The following ACOX1 variants were observed in gnomAD, a reference collection of about 807,000 sequenced individuals.
ACOX1 encodes the protein acyl-CoA oxidase 1, also known as peroxisomal acyl-coenzyme A oxidase 1.
In ACOX1, 41 loss-of-function variants were observed where a neutral mutation model predicts 75.5. The ratio of observed to expected loss-of-function variants is 0.54; its 90% CI spans 0.42 to 0.70. The LOEUF is 0.70. Ranked by LOEUF, ACOX1 falls within the 30% of genes least tolerant of loss-of-function variation. The pLI, the probability that ACOX1 is intolerant of heterozygous loss-of-function variation, is 0.00. For synonymous variants in ACOX1, 303 were observed against 298.8 expected, an observed-to-expected ratio of 1.01 and a Z score of -0.15; for missense variants, 630 against 837.5, an observed-to-expected ratio of 0.75 and a Z score of 3.06.
rs2065756349 is a variant in ACOX1, at chr17:75,949,706, G to A, written c.1478+12C>T. 5.0e-6 allele frequency: 8 copies of A among 1,614,082 alleles called. No individual in the cohort carries two copies. Among genetic ancestry groups the A allele is most frequent in the Non-Finnish European group, 6.8e-6 (8 of 1,179,986 alleles). ...CACTGCTGCGTATTCTAGCTCTTGA[G>A]GGAGAGCTCACCTGGCTGCACGGAG... On this transcript the variant is annotated intron_variant, in intron 10 of 13. Transcript: ENST00000293217.
chr17:75,974,770 C>T (rs2066029104), intron 2 of ACOX1, among the ~76,000 whole-genome samples: 1 of 152,024 alleles, frequency 6.6e-6, no homozygotes, highest in Admixed American at 6.6e-5. Flanking sequence ...CGGTGGCTCA[C>T]GCCTGTAATC....
chr17:75,954,641 G>A (rs1048793044), intron 6 of ACOX1, among the ~76,000 whole-genome samples: 1 of 125,872 alleles, frequency 7.9e-6, no homozygotes, highest in Non-Finnish European at 1.6e-5. Flanking sequence ...GTGTGATCTC[G>A]ACTTACTGCA....
intron 2 of ACOX1, among the ~76,000 whole-genome samples, chr17:75,968,621 A>AG (rs1299020783): frequency 2.1e-5 from 3 of 145,084 alleles, no homozygotes; most frequent in African/African-American, 7.7e-5. Flanking sequence ...AAAAAAAAAA[A>AG]AAAGAAATAT....
At position 75,960,518 on chromosome 17, in the gene ACOX1, C is replaced by T; in HGVS notation, c.270-143G>A. Reference sequence around the variant, plus strand: ...GTGCACTTAATCATAGATGGGAGCACTGTCCCTTTCTGTATTACTTTATAG... The same window carrying T: ...GTGCACTTAATCATAGATGGGAGCATTGTCCCTTTCTGTATTACTTTATAG... On this transcript the variant is annotated intron_variant, in intron 2 of 13. Transcript: ENST00000293217. The surrounding 1 kb of genome is among the most constrained non-coding windows in gnomAD (Gnocchi z 4.4). 1.2e-6 allele frequency: 1 copy of T among 810,492 alleles called. No homozygotes were observed. The highest frequency in any genetic ancestry group is 2.1e-6 in the Non-Finnish European group (1 of 487,306). The allele number at this position is 810,492 out of a possible 1,614,324, so 50.2% of individuals were successfully genotyped here.
At chr17:75,963,963 C>A (rs2065908565) in intron 2 of ACOX1, among the ~76,000 whole-genome samples, 1 of 151,194 alleles carries the variant, frequency 6.6e-6, no homozygotes, top group African/African-American at 2.4e-5. Context: ...GTGGGCGGAT[C>A]ACTTGAGGTC....
rs535844435 is a variant in ACOX1, at chr17:75,978,373, G to A, written c.269+161C>T. ...CTCCCAAAGTGCTGGGATTACAGGC[G>A]TGAGCCACCGCGCCCGGCCACACAT... is the stretch of plus-strand genomic sequence containing the variant. On this transcript the variant is annotated intron_variant, in intron 2 of 13. Coordinates refer to ENST00000293217, the MANE Select transcript of ACOX1 (RefSeq NM_004035.7). The surrounding 1 kb of genome is among the most constrained non-coding windows in gnomAD (Gnocchi z 4.2). 14 of 912,822 alleles carry A rather than the reference G, an allele frequency of 1.5e-5. No homozygotes were observed. Among genetic ancestry groups the A allele is most frequent in the South Asian group, 1.4e-4 (10 of 72,320 alleles). The allele number at this position is 912,822 out of a possible 1,614,324, so 56.5% of individuals were successfully genotyped here. A position where few individuals can be genotyped will look rare whatever the true frequency, so the allele number is the denominator to read the frequency against.
At chr17:75,951,279 A>G (rs2065771438) in intron 8 of ACOX1, 136 bp downstream of exon 8, 1 of 1,063,770 alleles carries the variant, frequency 9.4e-7, no homozygotes, top group Admixed American at 2.0e-5. Context: ...TATCTGATCT[A>G]CTTTCAACCA....
At chr17:75,958,741 G>A (rs1021242850) in intron 3 of ACOX1, among the ~76,000 whole-genome samples, 1 of 151,230 alleles carries the variant, frequency 6.6e-6, no homozygotes, top group East Asian at 1.9e-4. Flanking sequence ...CCGGAAGGTG[G>A]AGCTTGCAGT....
chr17:75,961,791 G>C (rs1276123033), intron 2 of ACOX1, among the ~76,000 whole-genome samples: 1 of 148,712 alleles, frequency 6.7e-6, no homozygotes, highest in Non-Finnish European at 1.5e-5. Context: ...AAGTTGTATA[G>C]AATGGAGAAT....
At position 75,945,788 on chromosome 17, in the gene ACOX1, TA is replaced by T. The variant is rs35453987; in HGVS notation, c.*959del. 14 of 149,436 alleles carry T rather than the reference TA, an allele frequency of 9.4e-5. No individual in the cohort carries two copies. The highest frequency in any genetic ancestry group is 7.5e-5 in the Non-Finnish European group (5 of 66,714). The allele number at this position is 149,436 out of a possible 1,614,324, so 9.3% of individuals were successfully genotyped here. The stretch of plus-strand genomic sequence containing the variant: ...TTTGTTTTTGTTTTTTCCCAGTTGT[TA>T]AAAAAAAAACAACTCACAGTTTCAA... On this transcript the variant is annotated 3_prime_UTR_variant, in exon 14 of 14. Transcript: ENST00000293217.
At position 75,950,785 on chromosome 17, in the gene ACOX1, G is replaced by A. The variant is rs141015974; in HGVS notation, c.1287C>T (p.Leu429=). The A allele has an allele frequency of 1.2e-6, 2 of 1,614,044 alleles. No individual in the cohort carries two copies. The highest frequency in any genetic ancestry group is 1.7e-5 in the Admixed American group (1 of 60,012). The part of the protein sequence containing the change: ...TFEGENTVMM[L]QTARFLMKSY... ...GATTTGACTCTCACCTAGCCGTCTGGAGCATCATGACAGTGTTTTCTCCCT... is the reference window on the plus strand; with the variant it reads ...GATTTGACTCTCACCTAGCCGTCTGAAGCATCATGACAGTGTTTTCTCCCT... The change falls in exon 9 of 14, where the codon CTC becomes CTT. Residue 429 remains leucine (L), a synonymous_variant. Transcript: ENST00000293217. The surrounding 1 kb of genome is among the most constrained non-coding windows in gnomAD (Gnocchi z 4.3).
intron 2 of ACOX1, among the ~76,000 whole-genome samples, chr17:75,962,406 G>A (rs1445367844): frequency 6.6e-6 from 1 of 152,162 alleles, no homozygotes; most frequent in Non-Finnish European, 1.5e-5. Flanking sequence ...ATAGGAAGTC[G>A]TTCTATAGGC....
intron 2 of ACOX1, among the ~76,000 whole-genome samples, chr17:75,965,692 G>C (rs2065925429): frequency 6.6e-6 from 1 of 151,952 alleles, no homozygotes; most frequent in African/African-American, 2.4e-5. Flanking sequence ...AATCAACTGG[G>C]CGCGGTGTCA....
Position 75,960,267 on chromosome 17 carries a change from G to A in ACOX1, c.378C>T (p.Pro126=), listed in dbSNP as rs1372303895. 4.3e-6 allele frequency: 7 copies of A among 1,614,164 alleles called. No individual in the cohort carries two copies. Among genetic ancestry groups the A allele is most frequent in the Admixed American group, 1.7e-5 (1 of 60,012 alleles). The change falls in exon 3 of 14, where the codon CCC becomes CCT. Residue 126 remains proline, a synonymous_variant. Coordinates refer to ENST00000293217, the MANE Select transcript of ACOX1 (RefSeq NM_004035.7). The surrounding 1 kb of genome is among the most constrained non-coding windows in gnomAD (Gnocchi z 4.4). The part of the protein sequence containing the change: ...TAEQQERFFM[P]AWNLEIIGTY... The stretch of plus-strand genomic sequence containing the variant: ...TGCCAATGATCTCCAAGTTCCAGGC[G>A]GGCATGAAGAAGCGCTCCTGCTGCT...
intron 2 of ACOX1, among the ~76,000 whole-genome samples, chr17:75,967,721 C>CGTAT (rs1651256422): frequency 7.9e-6 from 1 of 127,346 alleles, no homozygotes; most frequent in Non-Finnish European, 1.7e-5. Flanking sequence ...TATATATACA[C>CGTAT]ATATATATAT....
intron 2 of ACOX1, among the ~76,000 whole-genome samples, chr17:75,971,735 C>A (rs7212365): frequency 0.14 from 18,719 of 134,998 alleles, 1,618 homozygotes; most frequent in African/African-American, 0.3. Context: ...GGATGAGACT[C>A]TGACTCAAAA....
chr17:75,953,603 T>C lies in ACOX1; in HGVS notation c.792A>G (p.Thr264=), dbSNP rs8081180. ...GCTTGTTACTCAGCGGTTTCACGTA[T>C]GTGCCATCAGGCTTCACCTGGAAGA... ...MKYAQVKPDG[T]YVKPLSNKLT... is the part of the protein sequence containing the mutation. The change falls in exon 7 of 14, where the codon ACA becomes ACG. Residue 264 remains threonine (T), a synonymous_variant. Coordinates refer to ENST00000293217, the MANE Select transcript of ACOX1 (RefSeq NM_004035.7). 1 of 1,614,048 alleles carries C rather than the reference T, an allele frequency of 6.2e-7. No homozygotes were observed. Among genetic ancestry groups the C allele is most frequent in the African/African-American group, 1.3e-5 (1 of 74,942 alleles).
At chr17:75,972,645 CAAAAAA>C (rs10606220) in intron 2 of ACOX1, among the ~76,000 whole-genome samples, 1 of 99,196 alleles carries the variant, frequency 1.0e-5, no homozygotes, top group Non-Finnish European at 2.2e-5. Flanking sequence ...AACTCTGTCT[CAAAAAA>C]AAAAAAAAAA....
chr17:75,974,895 A>C (rs1475090113), intron 2 of ACOX1, among the ~76,000 whole-genome samples: 2 of 151,470 alleles, frequency 1.3e-5, no homozygotes, highest in Non-Finnish European at 2.9e-5. Flanking sequence ...AAATACAAAA[A>C]AAAAATTAGC....
Sources: allele counts gnomAD v4.1 joint callset (sites outside exome capture counted in the v4.1 genomes callset), GRCh38; gene constraint gnomAD v4.1.1; non-coding constraint Gnocchi (gnomAD v3.1); transcripts MANE v1.5; gene names NCBI Gene and HGNC (gene_info 2026-07-23, HGNC 2026-07-21).